The following AGBL1 variants were observed in gnomAD, a reference collection of about 807,000 sequenced individuals.
AGBL1 encodes the protein AGBL carboxypeptidase 1, also known as cytosolic carboxypeptidase 4.
A neutral mutation model predicts 118.9 loss-of-function variants in AGBL1; 130 were observed. The observed-to-expected ratio is 1.09, with a 90% CI of 0.95 to 1.26. The LOEUF is 1.26. AGBL1 is among the 50% of genes most tolerant of loss of function. The pLI, the probability that AGBL1 is intolerant of heterozygous loss-of-function variation, is 0.00. For synonymous variants in AGBL1, 555 were observed against 478.9 expected (o/e 1.16, Z -2.08); for missense variants, 1,584 against 1,298.1 (o/e 1.22, Z -3.38).
intron 18 of AGBL1, among the ~76,000 whole-genome samples, chr15:86,460,859 G>C (rs2082326335): frequency 6.6e-6 from 1 of 152,102 alleles, no homozygotes; most frequent in South Asian, 2.1e-4. Context: ...GTTCTTGTCT[G>C]TATACCACTC....
chr15:86,732,710 C>T (rs1291966425), intron 22 of AGBL1, among the ~76,000 whole-genome samples: 1 of 152,042 alleles, frequency 6.6e-6, no homozygotes, highest in Non-Finnish European at 1.5e-5. Flanking sequence ...TGATTCTAGA[C>T]TGTGCCATAT....
In AGBL1 at chr15:86,108,110, C is replaced by G. The variant is rs565830381; in HGVS notation, c.51+28087C>G. Among the ~76,000 whole-genome samples the G allele has an allele frequency of 1.8e-4, 28 of 152,322 alleles. No homozygotes were observed. In the South Asian group the frequency reaches 5.8e-3, roughly 32 times the overall value. Reference sequence around the variant, plus strand: ...CAATTAAACCTTTTGATCTAACTTGCAAGCCAATTATCTCGCTGCAACCAG... The same window carrying G: ...CAATTAAACCTTTTGATCTAACTTGGAAGCCAATTATCTCGCTGCAACCAG... On this transcript the variant is annotated intron_variant, in intron 1 of 22. Transcript: ENST00000614907.
chr15:86,431,771 C>T (rs1192883615), intron 18 of AGBL1, among the ~76,000 whole-genome samples: 3 of 152,168 alleles, frequency 2.0e-5, no homozygotes, highest in African/African-American at 7.2e-5. Context: ...TATTATAGTG[C>T]TTATGATGTT....
intron 6 of AGBL1, among the ~76,000 whole-genome samples, chr15:86,235,071 C>G (rs2078517740): frequency 6.6e-6 from 1 of 152,064 alleles, no homozygotes; most frequent in Non-Finnish European, 1.5e-5. Flanking sequence ...CCTTATAGGA[C>G]AAAAACAGCA....
chr15:86,209,298 T>C (rs1197662791), intron 5 of AGBL1, among the ~76,000 whole-genome samples: 1 of 152,206 alleles, frequency 6.6e-6, no homozygotes, highest in Non-Finnish European at 1.5e-5. Flanking sequence ...TTTTGTTGAC[T>C]TGGGGTGGAG....
intron 5 of AGBL1, among the ~76,000 whole-genome samples, chr15:86,176,065 A>G (rs11634997): frequency 0.16 from 24,148 of 152,200 alleles, 2,676 homozygotes; most frequent in Non-Finnish European, 0.24. Context: ...TATCTGTCCA[A>G]TGCTGAAAGT....
At chr15:86,236,686 G>A (rs1282496175) in intron 6 of AGBL1, among the ~76,000 whole-genome samples, 2 of 151,918 alleles carry the variant, frequency 1.3e-5, no homozygotes, top group Non-Finnish European at 2.9e-5. Flanking sequence ...AAAGAAAGAA[G>A]GAAGAAGCCT....
chr15:86,375,383 A>G (rs1272775357), intron 17 of AGBL1, among the ~76,000 whole-genome samples: 1 of 152,012 alleles, frequency 6.6e-6, no homozygotes, highest in Non-Finnish European at 1.5e-5. Flanking sequence ...GAACTCACTC[A>G]CTATCATGAG....
chr15:86,555,350 G>T (rs1476332013), intron 21 of AGBL1, among the ~76,000 whole-genome samples: 1 of 152,290 alleles, frequency 6.6e-6, no homozygotes, highest in Admixed American at 6.5e-5. Flanking sequence ...TGTTGGCTTT[G>T]ATAGTCTCCT....
chr15:86,676,300 A>G (rs1023304302), intron 22 of AGBL1, among the ~76,000 whole-genome samples: 6 of 152,140 alleles, frequency 3.9e-5, no homozygotes, highest in African/African-American at 1.2e-4. Flanking sequence ...ATATTTTCCT[A>G]TTCGTTATGA....
chr15:86,883,240 T>C (rs1353105565), intron 22 of AGBL1, among the ~76,000 whole-genome samples: 1 of 152,226 alleles, frequency 6.6e-6, no homozygotes, highest in African/African-American at 2.4e-5. Context: ...TTCAGCATCT[T>C]CTTTAGAAAC....
intron 22 of AGBL1, among the ~76,000 whole-genome samples, chr15:86,782,411 A>G (rs1460331026): frequency 2.6e-5 from 4 of 152,196 alleles, no homozygotes; most frequent in African/African-American, 7.2e-5. Context: ...TGTAAACTCT[A>G]CAGGAGAGAC....
intron 18 of AGBL1, among the ~76,000 whole-genome samples, chr15:86,516,875 A>T (rs2083128659): frequency 6.6e-6 from 1 of 151,472 alleles, no homozygotes; most frequent in South Asian, 2.1e-4. Flanking sequence ...CTCTCTCTAT[A>T]TTTGCAGCTA....
At chr15:87,021,911 C>T (rs561876640) in intron 24 of AGBL1, among the ~76,000 whole-genome samples, 1 of 152,242 alleles carries the variant, frequency 6.6e-6, no homozygotes, top group South Asian at 2.1e-4. Context: ...ACCCAGGAGA[C>T]ATGCCAAATA....
At chr15:86,606,592 C>T (rs2084581122) in intron 21 of AGBL1, among the ~76,000 whole-genome samples, 1 of 152,136 alleles carries the variant, frequency 6.6e-6, no homozygotes. Context: ...AGACAAGACA[C>T]AGAACCAGAC....
intron 21 of AGBL1, among the ~76,000 whole-genome samples, chr15:86,558,369 A>T (rs2083765843): frequency 6.6e-6 from 1 of 152,086 alleles, no homozygotes; most frequent in African/African-American, 2.4e-5. Context: ...GGGAAAACAA[A>T]AGCCTTATCT....
chr15:86,257,881 A>T (rs2078921601), intron 8 of AGBL1, 83 bp from the exon 9 acceptor site: 1 of 1,342,358 alleles, frequency 7.4e-7, no homozygotes, highest in African/African-American at 1.5e-5. Context: ...AAGAAGAAAG[A>T]ACCACTGTAT....
rs764197197 is a variant in AGBL1, at chr15:86,295,216, A to G, written c.2221-39A>G. On this transcript the variant is annotated intron_variant, in intron 16 of 22. Coordinates refer to ENST00000614907, the MANE Select transcript of AGBL1 (RefSeq NM_001386094.1). ...TTTTCTATTATTGTTGTTATAAAAAATGTTGATAATATACATGCCTGCTTT... is the reference window on the plus strand; with the variant it reads ...TTTTCTATTATTGTTGTTATAAAAAGTGTTGATAATATACATGCCTGCTTT... 1.9e-5 allele frequency: 30 copies of G among 1,603,518 alleles called. No individual in the cohort carries two copies. The Admixed American group carries it at 4.9e-4, about 26-fold the overall frequency.
chr15:86,802,995 TC>T (rs2078670797), intron 22 of AGBL1, among the ~76,000 whole-genome samples: 1 of 152,142 alleles, frequency 6.6e-6, no homozygotes, highest in Non-Finnish European at 1.5e-5. Flanking sequence ...TAACCATTAC[TC>T]CAAAAATCAG....
Sources: gnomAD v4.1 joint callset for allele counts (sites outside exome capture counted in the v4.1 genomes callset) on GRCh38, gnomAD v4.1.1 for gene constraint, MANE v1.5 for transcripts, NCBI Gene and HGNC (gene_info 2026-07-23, HGNC 2026-07-21) for gene names.